Variants in PPM1B observed in about 807,000 individuals in gnomAD.
PPM1B encodes protein phosphatase, Mg2+/Mn2+ dependent 1B.
Under a neutral mutation model 43.0 loss-of-function variants are expected in PPM1B, and 22 were observed. That is an observed-to-expected ratio of 0.51 (90% CI 0.37 to 0.73). The LOEUF (loss-of-function observed/expected upper bound fraction) is 0.73. Ranked by LOEUF, PPM1B falls within the 30% of genes least tolerant of loss-of-function variation. The pLI is 0.00. For missense variants in PPM1B, 632 were observed against 584.2 expected (o/e 1.08, Z -0.84); for synonymous variants, 217 against 197.9 (o/e 1.10, Z -0.81).
Position 44,225,598 on chromosome 2 carries a change from G to C in PPM1B, c.1135-4815G>C, listed in dbSNP as rs13399972. Among the ~76,000 whole-genome samples, 1,013 of 152,284 alleles carry C rather than the reference G, an allele frequency of 6.7e-3. 10 individuals are homozygous for C. The highest frequency in any genetic ancestry group is 0.023 in the African/African-American group (967 of 41,554). The stretch of plus-strand genomic sequence containing the variant: ...TCAATTTAGTGATTCTGTAATGTCA[G>C]CCATTGCAAATCCGTGTCTACTTGA... On this transcript the variant is annotated intron_variant, in intron 5 of 5. Coordinates refer to ENST00000282412, the MANE Select transcript of PPM1B (RefSeq NM_002706.6).
At chr2:44,224,638 A>G (rs182559602) in intron 5 of PPM1B, among the ~76,000 whole-genome samples, 21 of 152,022 alleles carry the variant, frequency 1.4e-4, no homozygotes, top group African/African-American at 4.8e-4. Context: ...GGTGTAAGTT[A>G]GTATTTTCAT....
chr2:44,189,526 C>T (rs919014515), intron 1 of PPM1B, among the ~76,000 whole-genome samples: 1 of 151,372 alleles, frequency 6.6e-6, no homozygotes, highest in Non-Finnish European at 1.5e-5. Context: ...TGCAATGGCG[C>T]GATCTCAGCT....
At chr2:44,209,874 C>T (rs140144757) in intron 3 of PPM1B, among the ~76,000 whole-genome samples, 2 of 152,028 alleles carry the variant, frequency 1.3e-5, no homozygotes, top group East Asian at 3.9e-4. Flanking sequence ...TGTCTTGGAC[C>T]AATTTCTGGG....
At chr2:44,196,658 G>A (rs1336065638) in intron 1 of PPM1B, among the ~76,000 whole-genome samples, 1 of 152,112 alleles carries the variant, frequency 6.6e-6, no homozygotes, top group African/African-American at 2.4e-5. Flanking sequence ...GGTTTGTCTG[G>A]TATCCCCATT....
rs761023433 is a variant in PPM1B at position 44,244,199 on chromosome 2, T to G, written n.1547-29T>G. 5 of 1,148,574 alleles carry G rather than the reference T, an allele frequency of 4.4e-6. No homozygotes were observed. The South Asian group carries it at 8.3e-5, about 19-fold the overall frequency. 71.1% of individuals were successfully genotyped at this position (1,148,574 alleles called of 1,614,324 possible). On this transcript the variant is annotated intron_variant and non_coding_transcript_variant, in intron 5 of 5. Coordinates refer to the PPM1B transcript ENST00000378540. ...GAAAAAAAAAAACCATATATATATA[T>G]ATATTTCAATTTCTATCATATCCAC...
intron 5 of PPM1B, among the ~76,000 whole-genome samples, chr2:44,228,219 A>C (rs748023836): frequency 1.5e-3 from 177 of 120,002 alleles, no homozygotes; most frequent in Non-Finnish European, 2.2e-3. Context: ...AGAGGGTCTC[A>C]CTCTGTCGTT....
At chr2:44,239,454 T>C (rs1670699849), downstream of PPM1B, among the ~76,000 whole-genome samples, 1 of 152,200 alleles carries the variant, frequency 6.6e-6, no homozygotes. Context: ...TCTTTGTTTA[T>C]GCAGTCTTGC....
intron 1 of PPM1B, among the ~76,000 whole-genome samples, chr2:44,193,642 C>T (rs1386571783): frequency 6.9e-6 from 1 of 145,078 alleles, no homozygotes; most frequent in Non-Finnish European, 1.5e-5. Flanking sequence ...TGCAGTGCTA[C>T]GATCTCAGCT....
chr2:44,232,571 A>T, downstream of PPM1B: 1 of 1,386,280 alleles, frequency 7.2e-7, no homozygotes, highest in East Asian at 2.8e-5. Context: ...AACCTCAGGC[A>T]TACTCGTTAC....
Position 44,218,089 on chromosome 2 carries a change from CA to C in PPM1B, c.1076+16del. The stretch of plus-strand genomic sequence containing the variant: ...AGGTCTTGCTGGCAAGTAAGTAGAA[CA>C]AAAAGCTAATTTTGAGTTCGTTCAT... On this transcript the variant is annotated intron_variant, in intron 4 of 5. Transcript: ENST00000282412. 6.3e-7 allele frequency: 1 copy of C among 1,578,722 alleles called. No homozygotes were observed. The highest frequency in any genetic ancestry group is 8.7e-7 in the Non-Finnish European group (1 of 1,150,704).
intron 1 of PPM1B, among the ~76,000 whole-genome samples, chr2:44,179,410 C>T (rs1667750864): frequency 6.6e-6 from 1 of 152,210 alleles, no homozygotes; most frequent in Non-Finnish European, 1.5e-5. Flanking sequence ...TTCCTACTAG[C>T]CCCGAGTGGT....
At chr2:44,206,968 A>G (rs1449263922) in intron 2 of PPM1B, among the ~76,000 whole-genome samples, 1 of 152,218 alleles carries the variant, frequency 6.6e-6, no homozygotes, top group Non-Finnish European at 1.5e-5. Flanking sequence ...AACCAAACAC[A>G]TACAGTATTT....
At chr2:44,204,699 A>T (rs559492996) in intron 2 of PPM1B, among the ~76,000 whole-genome samples, 61 of 152,126 alleles carry the variant, frequency 4.0e-4, no homozygotes, top group African/African-American at 1.4e-3. Flanking sequence ...TCTATTAAAA[A>T]ATAGAAAAAA....
downstream of PPM1B, among the ~76,000 whole-genome samples, chr2:44,236,694 C>T (rs1670633442): frequency 1.3e-5 from 2 of 152,132 alleles, no homozygotes; most frequent in African/African-American, 2.4e-5. Context: ...AGTCTTTATC[C>T]AGCTTCAATA....
At chr2:44,186,489 C>G (rs1403020605) in intron 1 of PPM1B, among the ~76,000 whole-genome samples, 1 of 152,202 alleles carries the variant, frequency 6.6e-6, no homozygotes, top group Non-Finnish European at 1.5e-5. Context: ...CCGCCTCAGC[C>G]TCCCAGGTAG....
chr2:44,243,419 AAC>A (rs1353080739), intron 5 of PPM1B, among the ~76,000 whole-genome samples: 3 of 152,224 alleles, frequency 2.0e-5, no homozygotes, highest in African/African-American at 7.2e-5. Flanking sequence ...AATTTTCTTT[AAC>A]AGTTTCATCA....
At chr2:44,202,082 A>AT (rs1249214242) in intron 2 of PPM1B, 37 bp downstream of exon 2, 1 of 1,474,848 alleles carries the variant, frequency 6.8e-7, no homozygotes, top group Non-Finnish European at 9.0e-7. Context: ...TAACATGTTA[A>AT]TTTTGAAAAG....
intron 5 of PPM1B, among the ~76,000 whole-genome samples, chr2:44,223,820 A>G (rs1670085973): frequency 7.1e-6 from 1 of 140,598 alleles, no homozygotes; most frequent in African/African-American, 2.8e-5. Flanking sequence ...TGTCTAAAAA[A>G]AAAAAAAAAA....
intron 1 of PPM1B, among the ~76,000 whole-genome samples, chr2:44,171,756 C>G (rs896294807): frequency 5.5e-5 from 8 of 146,184 alleles, no homozygotes; most frequent in East Asian, 2.0e-4. Flanking sequence ...CTTGGACTCA[C>G]GAGGTGGAGG....
Sources: gnomAD v4.1 joint callset for allele counts (sites outside exome capture counted in the v4.1 genomes callset) on GRCh38, gnomAD v4.1.1 for gene constraint, MANE v1.5 for transcripts, NCBI Gene and HGNC (gene_info 2026-07-23, HGNC 2026-07-21) for gene names.